The following HECW1 variants were observed in gnomAD, a reference collection of about 807,000 sequenced individuals.
The protein encoded by HECW1 is E3 ubiquitin-protein ligase HECW1.
A neutral mutation model predicts 182.3 loss-of-function variants in HECW1; 61 were observed. That is an observed-to-expected ratio of 0.33 (90% CI 0.27 to 0.41). The LOEUF (loss-of-function observed/expected upper bound fraction) is 0.41. HECW1 is among the 10% of genes least tolerant of loss of function. The pLI is 1.00. For synonymous variants in HECW1, 859 were observed against 832.6 expected, an observed-to-expected ratio of 1.03 and a Z score of -0.55; for missense variants, 1,739 against 2,108.9, an observed-to-expected ratio of 0.82 and a Z score of 3.44.
chr7:43,507,171 C>T lies in HECW1; in HGVS notation c.3666C>T (p.Pro1222=), dbSNP rs868555713. 7 of 1,614,018 alleles carry T rather than the reference C, an allele frequency of 4.3e-6. 1 individual carries two copies. The Middle Eastern group carries it at 1.2e-3, about 266-fold the overall frequency. Residue 1222 remains proline, a synonymous_variant, in exon 22 of 30, where the codon CCC becomes CCT. Transcript: ENST00000395891. The stretch of plus-strand genomic sequence containing the variant: ...GAGCCAGTGCAAGAGCCCCTTCCCC[C>T]TACCGAAGAGACTTTGAGGCCAAGC... ...LQRASARAPS[P]YRRDFEAKLR...
intron 7 of HECW1, among the ~76,000 whole-genome samples, chr7:43,403,725 A>G (rs2075505945): frequency 6.6e-6 from 1 of 152,188 alleles, no homozygotes; most frequent in South Asian, 2.1e-4. Context: ...TCTTGGATGC[A>G]GTAATGAATA....
intron 3 of HECW1, among the ~76,000 whole-genome samples, chr7:43,282,827 C>T (rs1804085752): frequency 6.6e-6 from 1 of 152,104 alleles, no homozygotes; most frequent in Non-Finnish European, 1.5e-5. Context: ...AACAGAAATT[C>T]CCAGTGTTGG....
chr7:43,463,496 C>T (rs893318486), intron 13 of HECW1, among the ~76,000 whole-genome samples, 164 bp from the exon 14 acceptor site: 26 of 152,296 alleles, frequency 1.7e-4, no homozygotes, highest in African/African-American at 6.3e-4. Flanking sequence ...CTTAGAGATA[C>T]TTGTCTTGCT....
chr7:43,552,772 A>G (rs1346295676), intron 28 of HECW1, among the ~76,000 whole-genome samples: 1 of 152,246 alleles, frequency 6.6e-6, no homozygotes, highest in African/African-American at 2.4e-5. Context: ...ATAGCCAAAT[A>G]ACATTCCATT....
intron 2 of HECW1, among the ~76,000 whole-genome samples, chr7:43,125,470 G>A (rs1195124120): frequency 2.0e-5 from 3 of 151,920 alleles, no homozygotes; most frequent in Non-Finnish European, 4.4e-5. Flanking sequence ...GAAGAGTGAG[G>A]CATTGGTCGG....
At chr7:43,514,703 A>G (rs903889652) in intron 24 of HECW1, among the ~76,000 whole-genome samples, 18 of 152,176 alleles carry the variant, frequency 1.2e-4, no homozygotes, top group African/African-American at 4.3e-4. Context: ...CTGATTTTCT[A>G]TCTTTAGGGA....
At chr7:43,299,255 T>A (rs907089007) in intron 3 of HECW1, among the ~76,000 whole-genome samples, 4 of 152,188 alleles carry the variant, frequency 2.6e-5, no homozygotes, top group Non-Finnish European at 4.4e-5. Context: ...TATACTACAC[T>A]GTTGAGCAAA....
intron 11 of HECW1, among the ~76,000 whole-genome samples, chr7:43,446,201 A>G (rs1239870195): frequency 6.6e-6 from 1 of 152,132 alleles, no homozygotes; most frequent in Non-Finnish European, 1.5e-5. Flanking sequence ...AATGGAAGGG[A>G]AAAATAACAT....
At chr7:43,204,063 C>T (rs990029015) in intron 2 of HECW1, among the ~76,000 whole-genome samples, 3 of 152,126 alleles carry the variant, frequency 2.0e-5, no homozygotes, top group African/African-American at 7.2e-5. Context: ...GTGACTAGTT[C>T]AAGACATCAA....
intron 5 of HECW1, among the ~76,000 whole-genome samples, chr7:43,336,158 C>A (rs868470663): frequency 1.2e-5 from 1 of 85,172 alleles, no homozygotes; most frequent in Admixed American, 1.3e-4. Flanking sequence ...CTCTCTCTCT[C>A]TCTCTCTCTC....
chr7:43,425,674 T>C (rs937149088), intron 8 of HECW1, among the ~76,000 whole-genome samples: 5 of 152,126 alleles, frequency 3.3e-5, no homozygotes, highest in Admixed American at 1.3e-4. Flanking sequence ...GGTGAGAACA[T>C]AGTAGAAAGA....
At chr7:43,167,882 A>T (rs1316537662) in intron 2 of HECW1, among the ~76,000 whole-genome samples, 1 of 152,086 alleles carries the variant, frequency 6.6e-6, no homozygotes, top group Non-Finnish European at 1.5e-5. Flanking sequence ...AGGCTTGGAG[A>T]GGTTAGGTGG....
At chr7:43,388,105 C>T (rs2074873374) in intron 6 of HECW1, among the ~76,000 whole-genome samples, 1 of 152,190 alleles carries the variant, frequency 6.6e-6, no homozygotes, top group Non-Finnish European at 1.5e-5. Context: ...AGAGGAGGAG[C>T]TGGCAGAGAA....
At chr7:43,117,294 C>G (rs773817417) in intron 2 of HECW1, among the ~76,000 whole-genome samples, 2 of 152,180 alleles carry the variant, frequency 1.3e-5, no homozygotes, top group African/African-American at 2.4e-5. Context: ...TGCAATTCAT[C>G]CAACAAATTC....
At chr7:43,390,490 A>G (rs55810240) in intron 6 of HECW1, among the ~76,000 whole-genome samples, 24,462 of 147,864 alleles carry the variant, frequency 0.17, 2,636 homozygotes, top group Non-Finnish European at 0.24. Context: ...GCAGTGAGCT[A>G]TGATGGTGCT....
intron 28 of HECW1, among the ~76,000 whole-genome samples, chr7:43,554,292 A>T (rs1050088276): frequency 1.3e-5 from 2 of 152,238 alleles, no homozygotes; most frequent in African/African-American, 4.8e-5. Flanking sequence ...CACCTATATG[A>T]GGCAGGAACA....
intron 3 of HECW1, among the ~76,000 whole-genome samples, chr7:43,292,998 G>T (rs969874460): frequency 2.6e-5 from 4 of 152,042 alleles, no homozygotes; most frequent in African/African-American, 7.2e-5. Context: ...GCCAAGGCGG[G>T]TGGATCATGA....
At chr7:43,138,236 C>A (rs1787784153) in intron 2 of HECW1, among the ~76,000 whole-genome samples, 1 of 152,216 alleles carries the variant, frequency 6.6e-6, no homozygotes, top group African/African-American at 2.4e-5. Context: ...GCCAGTTGTT[C>A]AGGAACTATT....
At chr7:43,442,441 C>A in intron 9 of HECW1, 88 bp from the exon 10 acceptor site, 1 of 894,120 alleles carries the variant, frequency 1.1e-6, no homozygotes, top group Non-Finnish European at 1.8e-6. Flanking sequence ...GGCTTGCCTG[C>A]CTCACCCACT....
Sources: allele counts gnomAD v4.1 joint callset (sites outside exome capture counted in the v4.1 genomes callset), GRCh38; gene constraint gnomAD v4.1.1; transcripts MANE v1.5; gene names NCBI Gene and HGNC (gene_info 2026-07-23, HGNC 2026-07-21).